Variants in DARS2 observed in about 807,000 individuals in gnomAD.
The protein encoded by DARS2 is aspartate--tRNA ligase, mitochondrial.
DARS2 carries 63 observed loss-of-function variants against 83.0 expected under a neutral mutation model. The observed-to-expected ratio is 0.76, with a 90% CI of 0.62 to 0.94. DARS2 has a LOEUF of 0.94. DARS2 is among the 40% of genes least tolerant of loss of function. The pLI, the probability that DARS2 is intolerant of heterozygous loss-of-function variation, is 0.00. For synonymous variants in DARS2, 250 were observed against 269.3 expected (o/e 0.93, Z 0.70); for missense variants, 675 against 774.4 (o/e 0.87, Z 1.52).
intron 7 of DARS2, 116 bp downstream of exon 7, chr1:173,834,635 T>G: frequency 3.2e-6 from 2 of 634,264 alleles, no homozygotes; most frequent in Non-Finnish European, 5.5e-6. Flanking sequence ...GATGGTCATA[T>G]TAACTAGGTT....
At chr1:173,831,701 T>G in intron 5 of DARS2, 71 bp downstream of exon 5, 1 of 1,244,786 alleles carries the variant, frequency 8.0e-7, no homozygotes, top group South Asian at 1.2e-5. Flanking sequence ...ATTTTCAGAG[T>G]TTTTTAAAGA....
chr1:173,844,862 C>T (rs549975412), intron 11 of DARS2, among the ~76,000 whole-genome samples: 15 of 127,242 alleles, frequency 1.2e-4, no homozygotes, highest in African/African-American at 3.8e-4. Flanking sequence ...GGCACAATCT[C>T]GGCTCACTGT....
At chr1:173,833,338 A>G in intron 5 of DARS2, 38 bp from the exon 6 acceptor site, 4 of 1,502,900 alleles carry the variant, frequency 2.7e-6, no homozygotes, top group Non-Finnish European at 3.6e-6. Context: ...TCTAATATTG[A>G]AAAATATTTA....
In DARS2 at chr1:173,828,317, C is replaced by CA; in HGVS notation, c.228-16_228-15insA. On this transcript the variant is annotated splice_polypyrimidine_tract_variant and intron_variant, in intron 2 of 16. Transcript: ENST00000649689. ...TTTATCTTAAAATGTTTCTTTTCCC[C>CA]CCCCCCATTAATCAGGCAAAACACA... 1 of 1,198,044 alleles carries CA rather than the reference C, an allele frequency of 8.3e-7. No homozygotes were observed. The highest frequency in any genetic ancestry group is 1.5e-5 in the African/African-American group (1 of 68,070). The allele number at this position is 1,198,044 out of a possible 1,614,324, so 74.2% of individuals were successfully genotyped here.
At chr1:173,840,027 A>G (rs1653148054) in intron 10 of DARS2, among the ~76,000 whole-genome samples, 1 of 152,222 alleles carries the variant, frequency 6.6e-6, no homozygotes, top group Non-Finnish European at 1.5e-5. Context: ...CTTAAAGAGC[A>G]ATATCCCTTG....
rs772156227 is a variant in DARS2 at position 173,857,660 on chromosome 1, C to T, written c.1893C>T (p.Ile631=). The change falls in exon 17 of 17, where the codon ATC becomes ATT. Residue 631 remains isoleucine, a synonymous_variant. Coordinates refer to ENST00000649689, the MANE Select transcript of DARS2 (RefSeq NM_018122.5). ...CTGAGGAACTGAAGCCCTATCATAT[C>T]CGAGTCTCCAAGCCAACAGACTCCA... ...VPPEELKPYH[I]RVSKPTDSKA... is the part of the protein sequence containing the mutation. The T allele has an allele frequency of 1.9e-6, 3 of 1,614,122 alleles. No homozygotes were observed. Among genetic ancestry groups the T allele is most frequent in the Non-Finnish European group, 2.5e-6 (3 of 1,180,008 alleles).
intron 7 of DARS2, among the ~76,000 whole-genome samples, chr1:173,835,812 G>A (rs1652982302): frequency 6.6e-6 from 1 of 152,074 alleles, no homozygotes; most frequent in Non-Finnish European, 1.5e-5. Context: ...CCAGTACTTT[G>A]GGAGGCCGAA....
chr1:173,836,913 TTCTC>T (rs1362530596), intron 7 of DARS2, 23 bp from the exon 8 acceptor site: 3 of 1,588,910 alleles, frequency 1.9e-6, no homozygotes, highest in Admixed American at 1.7e-5. Flanking sequence ...ATAATCTGTC[TTCTC>T]TCTCTTTCTC....
chr1:173,833,391 C>G lies in DARS2; in HGVS notation c.508C>G (p.Arg170Gly). 6.2e-7 allele frequency: 1 copy of G among 1,607,184 alleles called. No homozygotes were observed. The highest frequency in any genetic ancestry group is 8.5e-7 in the Non-Finnish European group (1 of 1,176,570). ...ATTTCTTTAGAAAACAGAGGCTCTT[C>G]GGTTGCAGTATCGCTACTTAGACTT... ...KNFVKKTEAL[R>G]LQYRYLDLRS... is the part of the protein sequence containing the mutation. The change falls in exon 6 of 17, where the codon CGG becomes GGG. Residue 170 changes from arginine to glycine, a missense_variant. Transcript: ENST00000649689.
chr1:173,825,204 G>T lies in DARS2; in HGVS notation c.-26G>T, dbSNP rs770357143. 42 of 1,608,224 alleles carry T rather than the reference G, an allele frequency of 2.6e-5. No individual in the cohort carries two copies. Among genetic ancestry groups the T allele is most frequent in the Non-Finnish European group, 3.4e-5 (40 of 1,176,126 alleles). ...ACCGGCAGCGTGGGATTTCGTGATT[G>T]TTTTTCGCCATCGTGTGGCTCCAAC... is the stretch of plus-strand genomic sequence containing the variant. On this transcript the variant is annotated 5_prime_UTR_variant, in exon 1 of 17. Coordinates refer to ENST00000649689, the MANE Select transcript of DARS2 (RefSeq NM_018122.5).
At chr1:173,842,142 C>G (rs1453558236) in intron 11 of DARS2, among the ~76,000 whole-genome samples, 1 of 152,014 alleles carries the variant, frequency 6.6e-6, no homozygotes, top group African/African-American at 2.4e-5. Flanking sequence ...GGTAGTACAT[C>G]TGCTTTAAAA....
At position 173,839,501 on chromosome 1, in the gene DARS2, G is replaced by C. The variant is rs746032814; in HGVS notation, c.975G>C (p.Leu325=). The C allele has an allele frequency of 6.2e-7, 1 of 1,613,914 alleles. No homozygotes were observed. Among genetic ancestry groups the C allele is most frequent in the African/African-American group, 1.3e-5 (1 of 74,894 alleles). Reference sequence around the variant, plus strand: ...CTACTATGACTTTTGCTGAGGTGCTGGCCACCTATGGAACTGATAAACCTG... The same window carrying C: ...CTACTATGACTTTTGCTGAGGTGCTCGCCACCTATGGAACTGATAAACCTG... ...PFPTMTFAEV[L]ATYGTDKPDT... The change falls in exon 10 of 17, where the codon CTG becomes CTC. Residue 325 remains leucine, a synonymous_variant. Transcript: ENST00000649689.
chr1:173,825,448 C>CTATTATTATTATTATTAT lies in DARS2; in HGVS notation c.127+92_127+93insTATTATTATTATTATTAT, dbSNP rs1167728196. ...TTTATTCCATTTTTCATTTTTTCCC[C>CTATTATTATTATTATTAT]CATTATTATTATTATTATTATTATT... On this transcript the variant is annotated intron_variant, in intron 1 of 16. Coordinates refer to ENST00000649689, the MANE Select transcript of DARS2 (RefSeq NM_018122.5). 677 of 646,142 alleles carry CTATTATTATTATTATTAT rather than the reference C, an allele frequency of 1.0e-3. 7 individuals are homozygous for CTATTATTATTATTATTAT. The highest frequency in any genetic ancestry group is 1.6e-3 in the Admixed American group (42 of 26,730). The allele number at this position is 646,142 out of a possible 1,614,324, so 40.0% of individuals were successfully genotyped here.
At chr1:173,832,768 CAAAAA>C (rs5779442) in intron 5 of DARS2, among the ~76,000 whole-genome samples, 2 of 103,728 alleles carry the variant, frequency 1.9e-5, no homozygotes, top group African/African-American at 6.6e-5. Flanking sequence ...GACTCCATCT[CAAAAA>C]AAAAAAAAAA....
intron 12 of DARS2, among the ~76,000 whole-genome samples, chr1:173,846,622 G>A (rs1334524180): frequency 6.6e-6 from 1 of 151,488 alleles, no homozygotes; most frequent in African/African-American, 2.4e-5. Flanking sequence ...GTGAGACCTC[G>A]TCTCTACAAA....
At chr1:173,834,047 C>T (rs986526948) in intron 6 of DARS2, among the ~76,000 whole-genome samples, 2 of 152,156 alleles carry the variant, frequency 1.3e-5, no homozygotes, top group Non-Finnish European at 2.9e-5. Context: ...CAGGCATGAA[C>T]CACGATACCC....
chr1:173,855,896 G>A (rs1457822716), intron 15 of DARS2, among the ~76,000 whole-genome samples: 1 of 150,856 alleles, frequency 6.6e-6, no homozygotes, highest in African/African-American at 2.4e-5. Context: ...CCCAATCTCA[G>A]GTGATCTGCC....
intron 5 of DARS2, 35 bp downstream of exon 5, chr1:173,831,665 T>A (rs1652801642): frequency 1.3e-6 from 2 of 1,497,058 alleles, no homozygotes; most frequent in African/African-American, 1.4e-5. Flanking sequence ...ATAGAGTATC[T>A]AGAAAATGTT....
intron 1 of DARS2, 35 bp from the exon 2 acceptor site, chr1:173,826,652 C>A: frequency 1.3e-6 from 2 of 1,483,568 alleles, no homozygotes; most frequent in Non-Finnish European, 1.8e-6. Context: ...TTTAATCTTG[C>A]CTTTTAAAGT....
Sources: gnomAD v4.1 joint callset for allele counts (sites outside exome capture counted in the v4.1 genomes callset) on GRCh38, gnomAD v4.1.1 for gene constraint, MANE v1.5 for transcripts, NCBI Gene and HGNC (gene_info 2026-07-23, HGNC 2026-07-21) for gene names.